NRXN3: variants seen among roughly 807,000 people sequenced by gnomAD.
NRXN3 encodes the protein neurexin III.
In NRXN3, 32 loss-of-function variants were observed where a neutral mutation model predicts 137.6. That is an observed-to-expected ratio of 0.23 (90% CI 0.18 to 0.31). The LOEUF is 0.31. Ranked by LOEUF, NRXN3 falls within the 10% of genes least tolerant of loss-of-function variation. The probability of loss-of-function intolerance (pLI) is 1.00; values close to 1 mark genes in which losing one functional copy is unlikely to be tolerated. For synonymous variants in NRXN3, 798 were observed against 784.5 expected (o/e 1.02, Z -0.29); for missense variants, 1,574 against 2,062.5 (o/e 0.76, Z 4.59).
intron 4 of NRXN3, among the ~76,000 whole-genome samples, chr14:78,513,963 C>G (rs530046056): frequency 6.6e-6 from 1 of 152,122 alleles, no homozygotes; most frequent in South Asian, 2.1e-4. Context: ...TGTTCTGGGT[C>G]AGTTCTCTTT....
intron 15 of NRXN3, among the ~76,000 whole-genome samples, chr14:79,036,652 A>G (rs2152513079): frequency 6.9e-6 from 1 of 145,042 alleles, no homozygotes; most frequent in Non-Finnish European, 1.5e-5. Flanking sequence ...AGGAGCAGCT[A>G]AGGACAGATA....
rs777201985 is a variant in NRXN3 at position 79,697,748 on chromosome 14, C to G, written c.3825C>G (p.Asn1275Lys). 1 of 1,613,160 alleles carries G rather than the reference C, an allele frequency of 6.2e-7. No individual in the cohort carries two copies. Among genetic ancestry groups the G allele is most frequent in the Non-Finnish European group, 8.5e-7 (1 of 1,179,414 alleles). The stretch of plus-strand genomic sequence containing the variant: ...ATTATGATGGTTTGAAAGTACTGAA[C>G]ATGGCGGCTGAGAACAACCCCAATA... ...GLYYDGLKVL[N>K]MAAENNPNIK... is the part of the protein sequence containing the mutation. Residue 1275 changes from asparagine to lysine, a missense_variant, in exon 19 of 21, where the codon AAC (asparagine) becomes AAG (lysine). Asn to Lys is a moderately conservative substitution (Grantham distance 94). This residue lies in a region of NRXN3 where 320 missense variants were observed against 387.1 expected (regional missense o/e 0.83). Transcript: ENST00000335750.
At chr14:78,226,577 C>G (rs1394199711) in intron 1 of NRXN3, among the ~76,000 whole-genome samples, 1 of 152,064 alleles carries the variant, frequency 6.6e-6, no homozygotes, top group African/African-American at 2.4e-5. Context: ...AATGGGAAAA[C>G]TAATGCAAAA....
At chr14:78,479,968 A>C (rs1322659527) in intron 4 of NRXN3, among the ~76,000 whole-genome samples, 2 of 151,980 alleles carry the variant, frequency 1.3e-5, no homozygotes, top group Non-Finnish European at 2.9e-5. Flanking sequence ...AACATGGTGA[A>C]TCTCTACTAA....
At chr14:78,992,266 A>G (rs1224040628) in intron 15 of NRXN3, among the ~76,000 whole-genome samples, 1 of 152,172 alleles carries the variant, frequency 6.6e-6, no homozygotes, top group Admixed American at 6.5e-5. Context: ...TGTGGAAGAA[A>G]ACATAAGTAA....
At chr14:78,688,792 GC>G (rs1555438370) in intron 6 of NRXN3, among the ~76,000 whole-genome samples, 1 of 152,060 alleles carries the variant, frequency 6.6e-6, no homozygotes, top group Non-Finnish European at 1.5e-5. Flanking sequence ...ACATGGAGGA[GC>G]CCTCTTCATA....
chr14:79,715,807 T>C (rs1482998388), intron 19 of NRXN3, among the ~76,000 whole-genome samples: 1 of 152,164 alleles, frequency 6.6e-6, no homozygotes, highest in African/African-American at 2.4e-5. Context: ...GTAGAAGCAG[T>C]ATAGAAGCTG....
At chr14:79,830,847 G>C (rs1213296068) in intron 20 of NRXN3, among the ~76,000 whole-genome samples, 1 of 130,256 alleles carries the variant, frequency 7.7e-6, no homozygotes, top group Non-Finnish European at 1.6e-5. Context: ...GTGACTTTGT[G>C]AACTTTTATT....
intron 4 of NRXN3, among the ~76,000 whole-genome samples, chr14:78,307,531 T>G (rs954329881): frequency 4.6e-5 from 7 of 152,104 alleles, no homozygotes; most frequent in Admixed American, 3.9e-4. Context: ...TGTCCTCTTG[T>G]GAGGTAGCTT....
intron 10 of NRXN3, among the ~76,000 whole-genome samples, chr14:78,866,245 G>A (rs879659998): frequency 3.3e-5 from 5 of 152,122 alleles, no homozygotes; most frequent in Non-Finnish European, 7.4e-5. Flanking sequence ...AGAAAAAAAT[G>A]ACGTTTTCAT....
At chr14:79,481,945 A>T (rs1199140320) in intron 16 of NRXN3, among the ~76,000 whole-genome samples, 1 of 152,058 alleles carries the variant, frequency 6.6e-6, no homozygotes, top group African/African-American at 2.4e-5. Flanking sequence ...CAGGTGGGGG[A>T]CATCTGATTG....
chr14:79,272,154 T>C (rs112135279), intron 15 of NRXN3, among the ~76,000 whole-genome samples: 4 of 152,108 alleles, frequency 2.6e-5, no homozygotes, highest in Admixed American at 6.5e-5. Flanking sequence ...CTAGCACTTA[T>C]CACATTGTAT....
chr14:78,840,729 C>T (rs925921499), intron 10 of NRXN3, among the ~76,000 whole-genome samples: 6 of 152,156 alleles, frequency 3.9e-5, no homozygotes, highest in African/African-American at 1.2e-4. Context: ...TGACACTTTA[C>T]TTTCACATTC....
intron 4 of NRXN3, among the ~76,000 whole-genome samples, chr14:78,587,455 A>G (rs944993995): frequency 1.3e-5 from 2 of 152,188 alleles, no homozygotes; most frequent in Non-Finnish European, 2.9e-5. Context: ...GTCTTACCCT[A>G]TGAAATATGG....
intron 4 of NRXN3, among the ~76,000 whole-genome samples, chr14:78,317,613 T>G (rs1040675510): frequency 2.0e-5 from 3 of 152,200 alleles, no homozygotes; most frequent in Non-Finnish European, 4.4e-5. Context: ...ACTTCTGGAT[T>G]AGATGATGCT....
intron 15 of NRXN3, among the ~76,000 whole-genome samples, chr14:79,145,147 A>T (rs866373358): frequency 6.6e-6 from 1 of 152,132 alleles, no homozygotes. Flanking sequence ...TATTATGTGC[A>T]CGCTTAGTAC....
chr14:78,638,641 T>A (rs1314292972), intron 4 of NRXN3, among the ~76,000 whole-genome samples: 1 of 152,168 alleles, frequency 6.6e-6, no homozygotes, highest in African/African-American at 2.4e-5. Flanking sequence ...GCTCAGCAGA[T>A]AACTTGGATG....
intron 10 of NRXN3, among the ~76,000 whole-genome samples, chr14:78,946,997 A>G (rs1404209946): frequency 6.6e-6 from 1 of 152,212 alleles, no homozygotes; most frequent in Non-Finnish European, 1.5e-5. Context: ...ACGAAGAGCT[A>G]TAATTTCTCA....
chr14:78,270,266 C>T (rs1327128142), intron 2 of NRXN3, among the ~76,000 whole-genome samples: 1 of 152,208 alleles, frequency 6.6e-6, no homozygotes, highest in African/African-American at 2.4e-5. Context: ...TTTCTCTCTC[C>T]TCCTGTGACA....
Sources: allele counts gnomAD v4.1 joint callset (sites outside exome capture counted in the v4.1 genomes callset), GRCh38; gene constraint gnomAD v4.1.1; regional missense constraint gnomAD v4.1.1; transcripts MANE v1.5; gene names NCBI Gene and HGNC (gene_info 2026-07-23, HGNC 2026-07-21).